CC2D2B: variants seen among roughly 807,000 people sequenced by gnomAD.
The protein encoded by CC2D2B is coiled-coil and C2 domain containing 2B.
Under a neutral mutation model 161.2 loss-of-function variants are expected in CC2D2B, and 128 were observed. The observed-to-expected ratio is 0.79, with a 90% confidence interval of 0.69 to 0.92. The LOEUF (loss-of-function observed/expected upper bound fraction) is 0.92. Ranked by LOEUF, CC2D2B falls within the 40% of genes least tolerant of loss-of-function variation. The pLI, the probability that CC2D2B is intolerant of heterozygous loss-of-function variation, is 0.00. For missense variants in CC2D2B, 1,173 were observed against 1,375.1 expected, an observed-to-expected ratio of 0.85 and a Z score of 2.32; for synonymous variants, 391 against 449.8, an observed-to-expected ratio of 0.87 and a Z score of 1.65.
In CC2D2B at chr10:95,969,017, A is replaced by C. The variant is rs2077032185; in HGVS notation, c.1644+116A>C. The C allele has an allele frequency of 9.7e-6, 4 of 414,064 alleles. No homozygotes were observed. In the Admixed American group the frequency reaches 1.8e-4, roughly 18 times the overall value. The allele number at this position is 414,064 out of a possible 1,614,324, so 25.6% of individuals were successfully genotyped here. On this transcript the variant is annotated intron_variant, in intron 15 of 34. Coordinates refer to ENST00000646931, the MANE Select transcript of CC2D2B (RefSeq NM_001349008.3). Reference sequence around the variant, plus strand: ...TTCTTTGATGTTAAGAGATGGACTGATCTTTATGTGTAGATGATAAGATAT... The same window carrying C: ...TTCTTTGATGTTAAGAGATGGACTGCTCTTTATGTGTAGATGATAAGATAT...
chr10:95,993,303 G>A (rs958519387), intron 22 of CC2D2B, among the ~76,000 whole-genome samples: 15 of 152,130 alleles, frequency 9.9e-5, no homozygotes, highest in Admixed American at 1.3e-4. Context: ...AAGTGCCCAC[G>A]TGTATTTAGT....
At chr10:95,982,339 C>T (rs1357223175) in intron 18 of CC2D2B, among the ~76,000 whole-genome samples, 1 of 152,168 alleles carries the variant, frequency 6.6e-6, no homozygotes, top group African/African-American at 2.4e-5. Context: ...ATGGATGGTC[C>T]TCTGCCACTA....
chr10:95,946,607 G>C (rs1431858469), intron 9 of CC2D2B, among the ~76,000 whole-genome samples: 2 of 152,102 alleles, frequency 1.3e-5, no homozygotes, highest in African/African-American at 4.8e-5. Flanking sequence ...TCAAGAGCAG[G>C]TTTCCCCTTT....
intron 9 of CC2D2B, among the ~76,000 whole-genome samples, chr10:95,941,236 C>G (rs2076012177): frequency 2.0e-5 from 3 of 152,110 alleles, no homozygotes; most frequent in Non-Finnish European, 4.4e-5. Context: ...AACTATAAAA[C>G]TCCTAGATGA....
At position 96,033,532 on chromosome 10, in the gene CC2D2B, G is replaced by A. The variant is rs1479714789; in HGVS notation, c.*1524G>A. ...CAAAATGATGCTGATGGAAAGATGA[G>A]GATGCCAAAGACAGACTGAATTCAT... is the stretch of plus-strand genomic sequence containing the variant. On this transcript the variant is annotated 3_prime_UTR_variant, in exon 35 of 35. Coordinates refer to ENST00000646931, the MANE Select transcript of CC2D2B (RefSeq NM_001349008.3). 6.6e-6 allele frequency among the ~76,000 whole-genome samples: 1 copy of A among 152,174 alleles called. No individual in the cohort carries two copies. The highest frequency in any genetic ancestry group is 1.5e-5 in the Non-Finnish European group (1 of 68,026).
At chr10:95,982,821 G>A (rs920879158) in intron 18 of CC2D2B, among the ~76,000 whole-genome samples, 4 of 152,136 alleles carry the variant, frequency 2.6e-5, no homozygotes, top group Admixed American at 1.3e-4. Flanking sequence ...TGCCAGGCTG[G>A]AGTACAGTGG....
At chr10:96,020,389 A>C (rs2079399711) in intron 32 of CC2D2B, 1 of 153,030 alleles carries the variant, frequency 6.5e-6, no homozygotes. Flanking sequence ...GGAGATGGGA[A>C]GGAAAGCTAT....
chr10:95,913,016 T>C (rs1283904145), intron 2 of CC2D2B, among the ~76,000 whole-genome samples: 15 of 152,156 alleles, frequency 9.9e-5, no homozygotes, highest in Non-Finnish European at 2.9e-5. Flanking sequence ...CTATAAATTA[T>C]TGTTGACCAT....
intron 5 of CC2D2B, among the ~76,000 whole-genome samples, chr10:95,925,502 C>T (rs2098536863): frequency 1.3e-5 from 2 of 152,154 alleles, no homozygotes. Flanking sequence ...ATCCAACTTA[C>T]AGATTTTTAA....
chr10:95,924,501 T>G, intron 4 of CC2D2B, 111 bp downstream of exon 4: 1 of 603,704 alleles, frequency 1.7e-6, no homozygotes, highest in Non-Finnish European at 2.9e-6. Flanking sequence ...ATATAGCTCC[T>G]TAATTCCTAA....
intron 2 of CC2D2B, among the ~76,000 whole-genome samples, chr10:95,918,019 C>T (rs930123468): frequency 6.6e-6 from 1 of 152,080 alleles, no homozygotes; most frequent in South Asian, 2.1e-4. Context: ...TCAAGTGTTC[C>T]GCCTACCTCA....
intron 31 of CC2D2B, 102 bp downstream of exon 31, chr10:96,019,439 G>T: frequency 1.7e-6 from 2 of 1,183,840 alleles, no homozygotes; most frequent in Non-Finnish European, 2.4e-6. Flanking sequence ...TAGTCTATCA[G>T]ATTCCCTAGG....
chr10:95,978,674 G>C (rs1363998989), intron 17 of CC2D2B, among the ~76,000 whole-genome samples: 1 of 152,068 alleles, frequency 6.6e-6, no homozygotes, highest in African/African-American at 2.4e-5. Flanking sequence ...GCCCAGCCAA[G>C]CCTCAGCCTA....
intron 34 of CC2D2B, among the ~76,000 whole-genome samples, chr10:96,028,279 A>G (rs1233164613): frequency 6.6e-6 from 1 of 152,242 alleles, no homozygotes; most frequent in Non-Finnish European, 1.5e-5. Context: ...ACTATAAGAA[A>G]AAAATACAAT....
At chr10:96,016,701 G>C (rs1352626583) in intron 30 of CC2D2B, among the ~76,000 whole-genome samples, 1 of 152,088 alleles carries the variant, frequency 6.6e-6, no homozygotes, top group East Asian at 1.9e-4. Context: ...TTACCACCAT[G>C]ATCATCATAT....
At position 96,032,212 on chromosome 10, in the gene CC2D2B, C is replaced by T. The variant is rs1393555941; in HGVS notation, c.*204C>T. The T allele has an allele frequency of 1.9e-6, 1 of 517,800 alleles. No individual in the cohort carries two copies. Among genetic ancestry groups the T allele is most frequent in the East Asian group, 2.9e-5 (1 of 34,320 alleles). 32.1% of individuals were successfully genotyped at this position (517,800 alleles called of 1,614,324 possible). ...GGAGGAGTCTAGATGAGCTTCTCAC[C>T]AGAGACCTCTCCAGGAAGGACCTTT... On this transcript the variant is annotated 3_prime_UTR_variant, in exon 35 of 35. Transcript: ENST00000646931.
At chr10:96,003,521 C>T (rs577130198) in intron 24 of CC2D2B, among the ~76,000 whole-genome samples, 1 of 151,494 alleles carries the variant, frequency 6.6e-6, no homozygotes, top group Non-Finnish European at 1.5e-5. Flanking sequence ...CGGGTTCAAG[C>T]GATTCTCCTG....
In CC2D2B at chr10:96,027,267, C is replaced by T. The variant is rs992429389; in HGVS notation, c.4003C>T (p.His1335Tyr). The T allele has an allele frequency of 6.4e-7, 1 of 1,550,782 alleles. No homozygotes were observed. Among genetic ancestry groups the T allele is most frequent in the East Asian group, 2.4e-5 (1 of 40,868 alleles). ...GGAATGGCGACCTAAACACCCAACA[C>T]ATTGGAATCGACAGTGTACTTTTAT... is the stretch of plus-strand genomic sequence containing the variant. ...VMEWRPKHPT[H>Y]WNRQCTFILR... The change falls in exon 34 of 35, where the codon CAT (histidine) becomes TAT (tyrosine). Residue 1335 changes from histidine (H) to tyrosine (Y), a missense_variant. His to Tyr is a moderately conservative substitution (Grantham distance 83). This residue lies in a region of CC2D2B where 598 missense variants were observed against 693.2 expected (regional missense o/e 0.86). Transcript: ENST00000646931.
intron 22 of CC2D2B, among the ~76,000 whole-genome samples, chr10:95,993,878 T>C (rs1218615186): frequency 1.3e-5 from 1 of 77,226 alleles, no homozygotes; most frequent in African/African-American, 5.3e-5. Flanking sequence ...AGAGTGTATA[T>C]ATATATATAT....
Sources: allele counts gnomAD v4.1 joint callset (sites outside exome capture counted in the v4.1 genomes callset), GRCh38; gene constraint gnomAD v4.1.1; regional missense constraint gnomAD v4.1.1; transcripts MANE v1.5; gene names NCBI Gene and HGNC (gene_info 2026-07-23, HGNC 2026-07-21).